The following GPT2 variants were observed in gnomAD, a reference collection of about 807,000 sequenced individuals.
GPT2 encodes glutamic--pyruvic transaminase 2.
A neutral mutation model predicts 56.9 loss-of-function variants in GPT2; 30 were observed. That is an observed-to-expected ratio of 0.53 (90% CI 0.39 to 0.72). GPT2 has a LOEUF of 0.72. GPT2 is among the 30% of genes least tolerant of loss of function. The probability of loss-of-function intolerance (pLI) is 0.00; values close to 1 mark genes in which losing one functional copy is unlikely to be tolerated. For synonymous variants in GPT2, 271 were observed against 283.1 expected (o/e 0.96, Z 0.43); for missense variants, 542 against 703.4 (o/e 0.77, Z 2.60).
In GPT2 at chr16:46,884,721, G is replaced by A. The variant is rs1596855482; in HGVS notation, c.6G>A (p.Gln2=). Residue 2 remains glutamine, a synonymous_variant, in exon 2 of 12, where the codon CAG becomes CAA. Transcript: ENST00000340124. M[Q]RAAALVRRGC... ...TTTCTCTCCGCAAGCGCGCGATGCA[G>A]CGGGCGGCGGCGCTGGTCCGGCGGG... 3.6e-6 allele frequency: 5 copies of A among 1,380,068 alleles called. No individual in the cohort carries two copies. The East Asian group carries it at 1.4e-4, about 38-fold the overall frequency. 85.5% of individuals were successfully genotyped at this position (1,380,068 alleles called of 1,614,324 possible).
chr16:46,908,661 T>C (rs1414204856), intron 5 of GPT2, among the ~76,000 whole-genome samples: 1 of 152,172 alleles, frequency 6.6e-6, no homozygotes, highest in Non-Finnish European at 1.5e-5. Context: ...AGTCAGTTCT[T>C]GTGACATTTG....
rs779101620 is a variant in GPT2, at chr16:46,909,685, C to A, written c.578C>A (p.Thr193Lys). The stretch of plus-strand genomic sequence containing the variant: ...CTAGATGTGAATTCTCTGTTGCAGA[C>A]GATCCTGAAGATCCTCGTCTCCGGG... ...LTTGASDGIS[T>K]ILKILVSGGG... Residue 193 changes from threonine (T) to lysine (K), a missense_variant and splice_region_variant, in exon 6 of 12, where the codon ACG becomes AAG. By Grantham distance (78) the Thr-to-Lys change is moderately conservative. Transcript: ENST00000340124. 1 of 1,612,630 alleles carries A rather than the reference C, an allele frequency of 6.2e-7. No individual in the cohort carries two copies. Among genetic ancestry groups the A allele is most frequent in the East Asian group, 2.2e-5 (1 of 44,830 alleles).
chr16:46,918,755 C>G lies in GPT2; in HGVS notation c.1035C>G (p.Gly345=). Residue 345 remains glycine (G), a splice_region_variant and synonymous_variant, in exon 8 of 12, where the codon GGC becomes GGG. Coordinates refer to ENST00000340124, the MANE Select transcript of GPT2 (RefSeq NM_133443.4). Reference sequence around the variant, plus strand: ...ACTCCACCTCCAAGGGCTACATGGGCGAGTACGTGGGCCTCCCTTCCCTCT... The same window carrying G: ...ACTCCACCTCCAAGGGCTACATGGGGGAGTACGTGGGCCTCCCTTCCCTCT... ...SFHSTSKGYM[G]ECGYRGGYME... 1 of 1,613,824 alleles carries G rather than the reference C, an allele frequency of 6.2e-7. No homozygotes were observed. The highest frequency in any genetic ancestry group is 8.5e-7 in the Non-Finnish European group (1 of 1,179,974).
chr16:46,906,754 A>G (rs1960938182), intron 4 of GPT2, 88 bp from the exon 5 acceptor site: 5 of 1,544,232 alleles, frequency 3.2e-6, no homozygotes, highest in Non-Finnish European at 3.5e-6. Flanking sequence ...CCAAACAGGC[A>G]TCCCTCTAAT....
At chr16:46,892,259 G>C (rs1263663045) in intron 2 of GPT2, among the ~76,000 whole-genome samples, 1 of 152,104 alleles carries the variant, frequency 6.6e-6, no homozygotes, top group Non-Finnish European at 1.5e-5. Context: ...GCAAATGGCT[G>C]GATTTTCTTA....
chr16:46,924,348 C>T, intron 9 of GPT2, 41 bp from the exon 10 acceptor site: 1 of 1,606,668 alleles, frequency 6.2e-7, no homozygotes, highest in Non-Finnish European at 8.5e-7. Context: ...GAATCTTTAT[C>T]CAGAGATACT....
chr16:46,929,129 C>A lies in GPT2; in HGVS notation c.*132C>A, dbSNP rs1961479524. On this transcript the variant is annotated 3_prime_UTR_variant, in exon 12 of 12. Coordinates refer to ENST00000340124, the MANE Select transcript of GPT2 (RefSeq NM_133443.4). Reference sequence around the variant, plus strand: ...CTGGTCACTTCGTCATCATTTTGCCCCTGGAGACGTCTTTCTTTGTGCCTT... The same window carrying A: ...CTGGTCACTTCGTCATCATTTTGCCACTGGAGACGTCTTTCTTTGTGCCTT... The A allele has an allele frequency of 7.4e-6, 5 of 677,286 alleles. No homozygotes were observed. Among genetic ancestry groups the A allele is most frequent in the East Asian group, 2.7e-5 (1 of 37,068 alleles). The allele number at this position is 677,286 out of a possible 1,614,324, so 42.0% of individuals were successfully genotyped here.
chr16:46,916,725 CAGAG>C lies in GPT2; in HGVS notation c.900+19_900+22del, dbSNP rs202005098. The C allele has an allele frequency of 3.5e-3, 5,413 of 1,567,204 alleles. 138 individuals are homozygous for C. In the African/African-American group the frequency reaches 0.058, roughly 17 times the overall value. ...CTGATGAGGTAAGAATGTCCCCACT[CAGAG>C]GGAGTGGGCACTAGCTTTCTCTTCT... On this transcript the variant is annotated intron_variant, in intron 7 of 11. Transcript: ENST00000340124.
Position 46,919,513 on chromosome 16 carries a change from C to A in GPT2, c.1037+756C>A, listed in dbSNP as rs536355983. 6.6e-5 allele frequency among the ~76,000 whole-genome samples: 10 copies of A among 152,316 alleles called. No individual in the cohort carries two copies. The South Asian group carries it at 2.1e-3, about 32-fold the overall frequency. ...AGCGGGAGCAGCCTGGGCAAAGACC[C>A]TGTGGTAGCAGCACACCTGCTGTGC... On this transcript the variant is annotated intron_variant, in intron 8 of 11. Transcript: ENST00000340124.
At chr16:46,919,012 G>A (rs192328889) in intron 8 of GPT2, among the ~76,000 whole-genome samples, 117 of 152,352 alleles carry the variant, frequency 7.7e-4, no homozygotes, top group Admixed American at 4.8e-3. Context: ...GGCAGCTTGC[G>A]ACACCTGGTG....
At chr16:46,921,834 T>G (rs938344866) in intron 8 of GPT2, among the ~76,000 whole-genome samples, 10 of 151,992 alleles carry the variant, frequency 6.6e-5, no homozygotes, top group Admixed American at 1.3e-4. Flanking sequence ...CTGGGCAACA[T>G]AGCAAAACCC....
chr16:46,917,653 A>AC (rs1044247638), intron 7 of GPT2, among the ~76,000 whole-genome samples: 7 of 150,228 alleles, frequency 4.7e-5, no homozygotes, highest in Non-Finnish European at 8.9e-5. Context: ...GCTCCTTGTC[A>AC]CCCCCCCACA....
intron 6 of GPT2, chr16:46,915,419 CCCA>C (rs999295071): frequency 3.3e-5 from 5 of 151,082 alleles, no homozygotes; most frequent in East Asian, 2.0e-4. Context: ...AGACACACAC[CCCA>C]CCACACCTAC....
chr16:46,907,529 G>A (rs1272407405), intron 5 of GPT2, among the ~76,000 whole-genome samples: 1 of 152,216 alleles, frequency 6.6e-6, no homozygotes. Flanking sequence ...GGAGTGAACT[G>A]GGAGAGGGGG....
intron 3 of GPT2, among the ~76,000 whole-genome samples, chr16:46,899,082 A>G (rs1417157328): frequency 7.2e-6 from 1 of 138,404 alleles, no homozygotes; most frequent in Non-Finnish European, 1.5e-5. Flanking sequence ...CCCAGGCTGG[A>G]GTGCGATTGT....
In GPT2 at chr16:46,929,058, T is replaced by C. The variant is rs952626369; in HGVS notation, c.*61T>C. ...CTCTTCCTCCCAATGCCCGTCAGGCTGAACTCGCCTCCCCCGTGACTCTGC... is the reference window on the plus strand; with the variant it reads ...CTCTTCCTCCCAATGCCCGTCAGGCCGAACTCGCCTCCCCCGTGACTCTGC... On this transcript the variant is annotated 3_prime_UTR_variant, in exon 12 of 12. Coordinates refer to ENST00000340124, the MANE Select transcript of GPT2 (RefSeq NM_133443.4). The C allele has an allele frequency of 1.1e-5, 14 of 1,317,026 alleles. No homozygotes were observed. The highest frequency in any genetic ancestry group is 1.7e-5 in the Admixed American group (1 of 58,712). 81.6% of individuals were successfully genotyped at this position (1,317,026 alleles called of 1,614,324 possible). A position where few individuals can be genotyped will look rare whatever the true frequency, so the allele number is the denominator to read the frequency against.
intron 8 of GPT2, among the ~76,000 whole-genome samples, chr16:46,920,663 G>C (rs1205042405): frequency 6.6e-6 from 1 of 152,244 alleles, no homozygotes; most frequent in East Asian, 1.9e-4. Context: ...GCCAGGTCAA[G>C]GGAGCAGTCC....
chr16:46,904,926 A>C (rs1473900851), intron 4 of GPT2, among the ~76,000 whole-genome samples: 1 of 152,168 alleles, frequency 6.6e-6, no homozygotes, highest in Admixed American at 6.5e-5. Flanking sequence ...CATGCCCACC[A>C]CCCAGAGTGA....
At position 46,922,301 on chromosome 16, in the gene GPT2, A is replaced by C; in HGVS notation, c.1097A>C (p.Gln366Pro). 1 of 1,614,194 alleles carries C rather than the reference A, an allele frequency of 6.2e-7. No individual in the cohort carries two copies. The highest frequency in any genetic ancestry group is 8.5e-7 in the Non-Finnish European group (1 of 1,180,044). The change falls in exon 9 of 12, where the codon CAG (glutamine) becomes CCG (proline). Residue 366 changes from glutamine to proline, a missense_variant. Gln to Pro is a moderately conservative substitution (Grantham distance 76, BLOSUM62 -1). Coordinates refer to ENST00000340124, the MANE Select transcript of GPT2 (RefSeq NM_133443.4). ...VINLHPEIKG[Q>P]LVKLLSVRLC... ...AACCTGCACCCTGAGATCAAGGGCC[A>C]GCTGGTGAAGCTGCTGTCGGTGCGC... is the stretch of plus-strand genomic sequence containing the variant.
Sources: gnomAD v4.1 joint callset for allele counts (sites outside exome capture counted in the v4.1 genomes callset) on GRCh38, gnomAD v4.1.1 for gene constraint, MANE v1.5 for transcripts, NCBI Gene and HGNC (gene_info 2026-07-23, HGNC 2026-07-21) for gene names.